Variants in LMO3 observed in about 807,000 individuals in gnomAD.
LMO3 encodes the protein LIM domain only 3.
In LMO3, 2 loss-of-function variants were observed where a neutral mutation model predicts 15.8. The observed-to-expected ratio is 0.13, with a 90% CI of 0.05 to 0.40. The LOEUF is 0.40. Among genes scored for constraint, LMO3 ranks in the 10% least tolerant of loss-of-function variants. The pLI is 0.99. For missense variants in LMO3, 86 were observed against 182.2 expected (o/e 0.47, Z 3.04); for synonymous variants, 62 against 63.8 (o/e 0.97, Z 0.13).
chr12:16,556,243 C>G (rs1942184665), intron 3 of LMO3, among the ~76,000 whole-genome samples: 1 of 152,054 alleles, frequency 6.6e-6, no homozygotes, highest in Non-Finnish European at 1.5e-5. Flanking sequence ...GCTTATTCAC[C>G]TTTAAGAAAT....
intron 2 of LMO3, among the ~76,000 whole-genome samples, chr12:16,562,225 A>C (rs1159148585): frequency 6.6e-6 from 1 of 152,142 alleles, no homozygotes; most frequent in Non-Finnish European, 1.5e-5. Flanking sequence ...TTTATTTTTC[A>C]GTGTACTTAA....
At chr12:16,590,915 C>T (rs916987304) in intron 2 of LMO3, among the ~76,000 whole-genome samples, 3 of 151,972 alleles carry the variant, frequency 2.0e-5, no homozygotes, top group Admixed American at 6.6e-5. Flanking sequence ...CACACAGGGT[C>T]ATCAATGGGG....
In LMO3 at chr12:16,551,285, G is replaced by A; in HGVS notation, c.375C>T (p.Ile125=). 1 of 1,612,754 alleles carries A rather than the reference G, an allele frequency of 6.2e-7. No individual in the cohort carries two copies. Among genetic ancestry groups the A allele is most frequent in the Non-Finnish European group, 8.5e-7 (1 of 1,178,900 alleles). Residue 125 remains isoleucine (I), a synonymous_variant, in exon 4 of 4, where the codon ATC becomes ATT. Coordinates refer to ENST00000537304, the MANE Select transcript of LMO3 (RefSeq NM_018640.5). ...GDKFFLKNNM[I]LCQTDYEEGL... is the part of the protein sequence containing the mutation. ...CTTCCTCGTAGTCCGTCTGGCAAAG[G>A]ATCATGTTATTCTTTAGGAAAAATT...
At chr12:16,554,438 G>T (rs553516392) in intron 3 of LMO3, among the ~76,000 whole-genome samples, 1 of 152,234 alleles carries the variant, frequency 6.6e-6, no homozygotes, top group Admixed American at 6.5e-5. Flanking sequence ...GTAAGTTAGA[G>T]ATTTCTATAC....
At chr12:16,579,680 C>G (rs528976963) in intron 2 of LMO3, among the ~76,000 whole-genome samples, 1 of 152,184 alleles carries the variant, frequency 6.6e-6, no homozygotes, top group African/African-American at 2.4e-5. Context: ...CTCAACCCCA[C>G]CTAGCCTACT....
chr12:16,558,214 C>T (rs1370127063), intron 3 of LMO3, among the ~76,000 whole-genome samples: 1 of 152,022 alleles, frequency 6.6e-6, no homozygotes, highest in Non-Finnish European at 1.5e-5. Flanking sequence ...GTCCTATAGA[C>T]ATAGGAACAT....
intron 1 of LMO3, chr12:16,605,628 G>A: frequency 1.2e-6 from 1 of 849,470 alleles, no homozygotes; most frequent in Admixed American, 2.5e-5. Context: ...AACCCACCCA[G>A]GACTGAATTC....
intron 3 of LMO3, among the ~76,000 whole-genome samples, chr12:16,552,939 C>G (rs1457880458): frequency 1.0e-5 from 1 of 96,894 alleles, no homozygotes; most frequent in South Asian, 4.0e-4. Context: ...AGGGTCCAAA[C>G]TCTACCTTCC....
intron 3 of LMO3, among the ~76,000 whole-genome samples, chr12:16,556,482 T>C (rs1256746465): frequency 2.0e-5 from 3 of 152,170 alleles, no homozygotes; most frequent in Non-Finnish European, 2.9e-5. Flanking sequence ...CATTCAGAAA[T>C]GCTTTGGATC....
Position 16,585,745 on chromosome 12 carries a change from A to C in LMO3, c.206+14910T>G, listed in dbSNP as rs1404842265. Among the ~76,000 whole-genome samples, 1 of 152,234 alleles carries C rather than the reference A, an allele frequency of 6.6e-6. No homozygotes were observed. Among genetic ancestry groups the C allele is most frequent in the Non-Finnish European group, 1.5e-5 (1 of 68,038 alleles). On this transcript the variant is annotated intron_variant, in intron 2 of 3. Transcript: ENST00000537304. The surrounding 1 kb of genome is among the most constrained non-coding windows in gnomAD (Gnocchi z 4.7). ...AATAGAAAGGAAAATATGGGTGAGAAATTACAAAAGGCTGGAGAATCAATT... is the reference window on the plus strand; with the variant it reads ...AATAGAAAGGAAAATATGGGTGAGACATTACAAAAGGCTGGAGAATCAATT...
intron 2 of LMO3, among the ~76,000 whole-genome samples, chr12:16,564,592 A>T (rs1185077807): frequency 6.6e-6 from 1 of 152,210 alleles, no homozygotes; most frequent in Non-Finnish European, 1.5e-5. Context: ...ATGTTTCTAT[A>T]GATTTTTTTA....
chr12:16,572,339 C>CTTTTTTTTTTTTTTTTTTTTTTTTTT (rs59773866), intron 2 of LMO3, among the ~76,000 whole-genome samples: 2 of 89,530 alleles, frequency 2.2e-5, no homozygotes, highest in Non-Finnish European at 4.2e-5. Context: ...GGTCCAAACT[C>CTTTTTTTTTTTTTTTTTTTTTTTTTT]TTTTTTTTTT....
At position 16,599,533 on chromosome 12, in the gene LMO3, G is replaced by C. The variant is rs1465285779; in HGVS notation, c.206+1122C>G. ...ATCAAATGACCAAGGTACTAAAGGA[G>C]TTACCATTGATTGATAAATTTTGTC... is the stretch of plus-strand genomic sequence containing the variant. On this transcript the variant is annotated intron_variant, in intron 2 of 3. Transcript: ENST00000537304. The surrounding 1 kb of genome is among the most constrained non-coding windows in gnomAD (Gnocchi z 4.1). 2.6e-5 allele frequency: 4 copies of C among 152,052 alleles called. No homozygotes were observed. The highest frequency in any genetic ancestry group is 6.6e-5 in the Admixed American group (1 of 15,244). 9.4% of individuals were successfully genotyped at this position (152,052 alleles called of 1,614,324 possible).
Position 16,588,301 on chromosome 12 carries a change from A to G in LMO3, c.206+12354T>C, listed in dbSNP as rs568170791. Among the ~76,000 whole-genome samples, 14 of 152,204 alleles carry G rather than the reference A, an allele frequency of 9.2e-5. No homozygotes were observed. In the South Asian group the frequency reaches 2.7e-3, roughly 29 times the overall value. Reference sequence around the variant, plus strand: ...CTCAAATTTCTTTAAGAATAAAGATATATAATCAAATTGTTTAAAGAACAC... The same window carrying G: ...CTCAAATTTCTTTAAGAATAAAGATGTATAATCAAATTGTTTAAAGAACAC... On this transcript the variant is annotated intron_variant, in intron 2 of 3. Coordinates refer to ENST00000537304, the MANE Select transcript of LMO3 (RefSeq NM_018640.5).
In LMO3 at chr12:16,591,082, T is replaced by C. The variant is rs1313051145; in HGVS notation, c.206+9573A>G. 6.6e-6 allele frequency among the ~76,000 whole-genome samples: 1 copy of C among 152,090 alleles called. No homozygotes were observed. Among genetic ancestry groups the C allele is most frequent in the Non-Finnish European group, 1.5e-5 (1 of 67,992 alleles). On this transcript the variant is annotated intron_variant, in intron 2 of 3. Coordinates refer to ENST00000537304, the MANE Select transcript of LMO3 (RefSeq NM_018640.5). The surrounding 1 kb of genome is among the most constrained non-coding windows in gnomAD (Gnocchi z 4.1). ...GGTTTTCAAATTGAAGTATTATCACTTTTCTAGGGGACATTTAGAAATGTA... is the reference window on the plus strand; with the variant it reads ...GGTTTTCAAATTGAAGTATTATCACCTTTCTAGGGGACATTTAGAAATGTA...
Position 16,603,728 on chromosome 12 carries a change from C to T in LMO3, c.-9+2338G>A, listed in dbSNP as rs914668060. 5.9e-5 allele frequency among the ~76,000 whole-genome samples: 9 copies of T among 152,166 alleles called. No individual in the cohort carries two copies. Among genetic ancestry groups the T allele is most frequent in the Non-Finnish European group, 1.2e-4 (8 of 68,042 alleles). On this transcript the variant is annotated intron_variant, in intron 1 of 3. Transcript: ENST00000537304. The surrounding 1 kb of genome is among the most constrained non-coding windows in gnomAD (Gnocchi z 4.9). ...TGGATTGCATTGTGAAGCGGCCTAA[C>T]GGTTGATTGCCTCCATTATGTTCCC...
chr12:16,567,174 C>T (rs1364623967), intron 2 of LMO3, among the ~76,000 whole-genome samples: 8 of 151,432 alleles, frequency 5.3e-5, no homozygotes, highest in African/African-American at 1.7e-4. Context: ...CCAGCCTGGG[C>T]AATAAGAGTG....
At chr12:16,594,123 G>A in intron 2 of LMO3, 1 of 1,531,652 alleles carries the variant, frequency 6.5e-7, no homozygotes, top group East Asian at 2.5e-5. Context: ...AATTTTACAA[G>A]TTTTAAAGCT....
In LMO3 at chr12:16,548,813, A is replaced by G. The variant is rs1037116087; in HGVS notation, c.*2409T>C. 2 of 152,150 alleles carry G rather than the reference A, an allele frequency of 1.3e-5. No individual in the cohort carries two copies. The highest frequency in any genetic ancestry group is 4.8e-5 in the African/African-American group (2 of 41,430). 9.4% of individuals were successfully genotyped at this position (152,150 alleles called of 1,614,324 possible). A position where few individuals can be genotyped will look rare whatever the true frequency, so the allele number is the denominator to read the frequency against. On this transcript the variant is annotated 3_prime_UTR_variant, in exon 4 of 4. Coordinates refer to ENST00000537304, the MANE Select transcript of LMO3 (RefSeq NM_018640.5). This position sits in a 1 kb window ranked among gnomAD's most constrained non-coding sequence, Gnocchi z 4.2. ...CTTGTCTTATTTCACGATTTCATGG[A>G]GATTAAAGATAATCTAAACAGATTA...
Sources: allele counts gnomAD v4.1 joint callset (sites outside exome capture counted in the v4.1 genomes callset), GRCh38; gene constraint gnomAD v4.1.1; non-coding constraint Gnocchi (gnomAD v3.1); transcripts MANE v1.5; gene names NCBI Gene and HGNC (gene_info 2026-07-23, HGNC 2026-07-21).